The following CARS1 variants were observed in gnomAD, a reference collection of about 807,000 sequenced individuals.
CARS1 encodes the protein cysteinyl-tRNA synthetase 1, also known as cysteine--tRNA ligase, cytoplasmic.
CARS1 carries 48 observed loss-of-function variants against 106.2 expected under a neutral mutation model. The ratio of observed to expected loss-of-function variants is 0.45; its 90% CI spans 0.36 to 0.57. CARS1 has a LOEUF of 0.57. Among genes scored for constraint, CARS1 ranks in the 20% least tolerant of loss-of-function variants. The pLI, the probability that CARS1 is intolerant of heterozygous loss-of-function variation, is 0.00. For synonymous variants in CARS1, 409 were observed against 403.4 expected (o/e 1.01, Z -0.17); for missense variants, 968 against 1,057.2 (o/e 0.92, Z 1.17).
In CARS1 at chr11:3,046,773, G is replaced by A. The variant is rs1019994729; in HGVS notation, c.274+980C>T. On this transcript the variant is annotated intron_variant, in intron 2 of 22. Transcript: ENST00000380525. The surrounding 1 kb of genome is among the most constrained non-coding windows in gnomAD (Gnocchi z 5.8). ...GGAGGAGTGCCCACAGCCACAGGAG[G>A]AGCTGGGCCACCCAAAGGCATACTT... Among the ~76,000 whole-genome samples, 1 of 152,118 alleles carries A rather than the reference G, an allele frequency of 6.6e-6. No homozygotes were observed. The highest frequency in any genetic ancestry group is 2.4e-5 in the African/African-American group (1 of 41,428).
intron 22 of CARS1, 142 bp downstream of exon 22, chr11:3,001,828 G>C: frequency 2.7e-6 from 2 of 745,212 alleles, no homozygotes; most frequent in Non-Finnish European, 4.8e-6. Context: ...GGAGGCCCTG[G>C]ACCTAAAGCG....
rs1315807562 is a variant in CARS1 at position 3,052,333 on chromosome 11, T to C, written c.26-4332A>G. Among the ~76,000 whole-genome samples, 1 of 152,180 alleles carries C rather than the reference T, an allele frequency of 6.6e-6. No homozygotes were observed. Among genetic ancestry groups the C allele is most frequent in the East Asian group, 1.9e-4 (1 of 5,190 alleles). On this transcript the variant is annotated intron_variant, in intron 1 of 22. Coordinates refer to ENST00000380525, the MANE Select transcript of CARS1 (RefSeq NM_001014437.3). The surrounding 1 kb of genome is among the most constrained non-coding windows in gnomAD (Gnocchi z 4.6). ...GCAGGCCATTAAGTCAAATGACACT[T>C]GTAAAATGTTTAAAAGCTGCCTGGC...
intron 3 of CARS1, 24 bp downstream of exon 3, chr11:3,042,141 C>A (rs1854540914): frequency 6.3e-7 from 1 of 1,583,344 alleles, no homozygotes. Flanking sequence ...TGTGCGTGTG[C>A]CACGGCATCT....
intron 7 of CARS1, chr11:3,031,035 TCTAATTGGCAACCCAGAG>T (rs1852688350): frequency 6.6e-6 from 1 of 152,034 alleles, no homozygotes; most frequent in Non-Finnish European, 1.5e-5. Context: ...GAGACTCACA[TCTAATTGGCAACCCAGAG>T]GAGAGGAGAG....
chr11:3,049,291 C>T (rs1855424632), intron 1 of CARS1, among the ~76,000 whole-genome samples: 1 of 152,118 alleles, frequency 6.6e-6, no homozygotes, highest in Non-Finnish European at 1.5e-5. Flanking sequence ...ATCATACTCC[C>T]TTTAAATCCA....
At position 3,029,549 on chromosome 11, in the gene CARS1, A is replaced by AAGAG; in HGVS notation, c.802-107_802-106insCTCT. 7.7e-7 allele frequency: 1 copy of AAGAG among 1,290,930 alleles called. No individual in the cohort carries two copies. Among genetic ancestry groups the AAGAG allele is most frequent in the Non-Finnish European group, 1.1e-6 (1 of 935,674 alleles). The allele number at this position is 1,290,930 out of a possible 1,614,324, so 80.0% of individuals were successfully genotyped here. On this transcript the variant is annotated intron_variant, in intron 7 of 22. Coordinates refer to ENST00000380525, the MANE Select transcript of CARS1 (RefSeq NM_001014437.3). The surrounding 1 kb of genome is among the most constrained non-coding windows in gnomAD (Gnocchi z 5.9). ...CAGTGCCCTGAATTCAAAGGTGCTG[A>AAGAG]CCTTGACCTGTGAAGAGCCACCGTC...
At chr11:3,036,311 C>A (rs1410406842) in intron 7 of CARS1, among the ~76,000 whole-genome samples, 1 of 152,214 alleles carries the variant, frequency 6.6e-6, no homozygotes, top group East Asian at 1.9e-4. Flanking sequence ...GTGTTGGGAA[C>A]CCCCGACAGT....
In CARS1 at chr11:3,040,785, T is replaced by C; in HGVS notation, c.455+111A>G. ...CTTGATTCCTCAAATCTCAGGTCTC[T>C]GTAGCAGATCTAAGATCTTTGTGGA... On this transcript the variant is annotated intron_variant, in intron 4 of 22. Transcript: ENST00000380525. This position sits in a 1 kb window ranked among gnomAD's most constrained non-coding sequence, Gnocchi z 5.8. The C allele has an allele frequency of 9.0e-7, 1 of 1,108,920 alleles. No homozygotes were observed. The highest frequency in any genetic ancestry group is 1.3e-6 in the Non-Finnish European group (1 of 756,434). The allele number at this position is 1,108,920 out of a possible 1,614,324, so 68.7% of individuals were successfully genotyped here.
rs907943254 is a variant in CARS1 at position 3,022,732 on chromosome 11, G to A, written c.1154-2400C>T. ...CTTCCTCCCTGCACTAGGCCTTCCT[G>A]CCACGTGCCTTCCCGAGTGGTCTGC... On this transcript the variant is annotated intron_variant, in intron 10 of 22. Coordinates refer to ENST00000380525, the MANE Select transcript of CARS1 (RefSeq NM_001014437.3). The surrounding 1 kb of genome is among the most constrained non-coding windows in gnomAD (Gnocchi z 4.9). 6.6e-6 allele frequency among the ~76,000 whole-genome samples: 1 copy of A among 152,166 alleles called. No individual in the cohort carries two copies. Among genetic ancestry groups the A allele is most frequent in the Non-Finnish European group, 1.5e-5 (1 of 68,024 alleles).
chr11:3,005,167 C>T (rs1229803558), intron 20 of CARS1, among the ~76,000 whole-genome samples, 199 bp downstream of exon 20: 1 of 149,540 alleles, frequency 6.7e-6, no homozygotes, highest in Non-Finnish European at 1.5e-5. Context: ...CTGGTTTTCA[C>T]TTAAACTGAG....
At chr11:3,026,907 C>A (rs1487866542) in intron 9 of CARS1, 110 bp from the exon 10 acceptor site, 10 of 1,244,492 alleles carry the variant, frequency 8.0e-6, no homozygotes, top group African/African-American at 1.5e-5. Flanking sequence ...AAATCTGTGG[C>A]CTATCTACTC....
In CARS1 at chr11:3,038,019, C is replaced by CG; in HGVS notation, c.801+30dup. 2 of 1,597,072 alleles carry CG rather than the reference C, an allele frequency of 1.3e-6. No homozygotes were observed. Among genetic ancestry groups the CG allele is most frequent in the Non-Finnish European group, 1.7e-6 (2 of 1,167,740 alleles). On this transcript the variant is annotated intron_variant, in intron 7 of 22. Coordinates refer to ENST00000380525, the MANE Select transcript of CARS1 (RefSeq NM_001014437.3). This position sits in a 1 kb window ranked among gnomAD's most constrained non-coding sequence, Gnocchi z 4.0. ...TGCACGGCCCGACATTTGACCCGAA[C>CG]GGGCTGTCTGGGAGATGTGTGAAGC...
intron 1 of CARS1, among the ~76,000 whole-genome samples, chr11:3,051,301 G>A (rs547476196): frequency 6.6e-6 from 1 of 152,340 alleles, no homozygotes; most frequent in East Asian, 1.9e-4. Context: ...GAAGGCGCCT[G>A]GGGGGTGCCG....
In CARS1 at chr11:3,022,145, G is replaced by T. The variant is rs889530735; in HGVS notation, c.1154-1813C>A. Among the ~76,000 whole-genome samples the T allele has an allele frequency of 6.6e-6, 1 of 152,188 alleles. No homozygotes were observed. The highest frequency in any genetic ancestry group is 1.5e-5 in the Non-Finnish European group (1 of 68,026). Reference sequence around the variant, plus strand: ...GTGCACGTCCATCCGCTTCCCTGCAGCTCTAACTGAGAGTCACATAGCACG... The same window carrying T: ...GTGCACGTCCATCCGCTTCCCTGCATCTCTAACTGAGAGTCACATAGCACG... On this transcript the variant is annotated intron_variant, in intron 10 of 22. Coordinates refer to ENST00000380525, the MANE Select transcript of CARS1 (RefSeq NM_001014437.3). The surrounding 1 kb of genome is among the most constrained non-coding windows in gnomAD (Gnocchi z 4.9).
At position 3,017,611 on chromosome 11, in the gene CARS1, C is replaced by T. The variant is rs1851173193; in HGVS notation, c.1727+246G>A. On this transcript the variant is annotated intron_variant, in intron 15 of 22. Transcript: ENST00000380525. The surrounding 1 kb of genome is among the most constrained non-coding windows in gnomAD (Gnocchi z 4.9). ...TGAGCCGAGATCACGCCACTGCACT[C>T]CAGCCTGGGCAACAAGGGCGAAACT... The T allele has an allele frequency of 1.4e-5, 8 of 562,516 alleles. No individual in the cohort carries two copies. The highest frequency in any genetic ancestry group is 1.9e-5 in the Non-Finnish European group (6 of 319,226). 34.8% of individuals were successfully genotyped at this position (562,516 alleles called of 1,614,324 possible). A position where few individuals can be genotyped will look rare whatever the true frequency, so the allele number is the denominator to read the frequency against.
chr11:3,012,349 T>C, intron 17 of CARS1, 73 bp from the exon 18 acceptor site: 2 of 1,317,430 alleles, frequency 1.5e-6, no homozygotes, highest in Non-Finnish European at 2.2e-6. Flanking sequence ...AATAGCTCAG[T>C]GGCCGCGACA....
chr11:3,054,063 G>A (rs563408848), intron 1 of CARS1, among the ~76,000 whole-genome samples: 1 of 152,232 alleles, frequency 6.6e-6, no homozygotes, highest in South Asian at 2.1e-4. Context: ...GACATGAATC[G>A]TGGGGAGGAG....
chr11:3,039,966 G>T lies in CARS1; in HGVS notation c.456-35C>A. On this transcript the variant is annotated intron_variant, in intron 4 of 22. Transcript: ENST00000380525. The surrounding 1 kb of genome is among the most constrained non-coding windows in gnomAD (Gnocchi z 5.6). ...TGAAAAAACAAACATTTCCACACCA[G>T]ACGATATGTATAGCTTAACCTCCAA... The T allele has an allele frequency of 9.0e-7, 1 of 1,110,176 alleles. No homozygotes were observed. Among genetic ancestry groups the T allele is most frequent in the Non-Finnish European group, 1.3e-6 (1 of 746,818 alleles). The allele number at this position is 1,110,176 out of a possible 1,614,324, so 68.8% of individuals were successfully genotyped here.
In CARS1 at chr11:3,001,237, T is replaced by C; in HGVS notation, c.2373A>G (p.Thr791=). ...YSKFDENGLP[T]HDMEGKELSK... is the part of the protein sequence containing the mutation. The stretch of plus-strand genomic sequence containing the variant: ...TGAGCTCTTTGCCCTCCATGTCATG[T>C]GTGGGCAGACCCTGAAAACCCAGAG... Residue 791 remains threonine, a synonymous_variant, in exon 23 of 23, where the codon ACA becomes ACG. Coordinates refer to ENST00000380525, the MANE Select transcript of CARS1 (RefSeq NM_001014437.3). The C allele has an allele frequency of 6.2e-7, 1 of 1,613,736 alleles. No individual in the cohort carries two copies. Among genetic ancestry groups the C allele is most frequent in the Non-Finnish European group, 8.5e-7 (1 of 1,180,036 alleles).
Sources: gnomAD v4.1 joint callset for allele counts (sites outside exome capture counted in the v4.1 genomes callset) on GRCh38, gnomAD v4.1.1 for gene constraint, Gnocchi (gnomAD v3.1) non-coding constraint, MANE v1.5 for transcripts, NCBI Gene and HGNC (gene_info 2026-07-23, HGNC 2026-07-21) for gene names.